KCNH7: variants seen among roughly 807,000 people sequenced by gnomAD.
KCNH7 encodes potassium voltage-gated channel subfamily H member 7.
In KCNH7, 49 loss-of-function variants were observed where a neutral mutation model predicts 120.8. That is an observed-to-expected ratio of 0.41 (90% confidence interval 0.32 to 0.51). KCNH7 has a LOEUF of 0.51. KCNH7 is among the 20% of genes least tolerant of loss of function. The pLI is 0.38. For missense variants in KCNH7, 1,097 were observed against 1,446.6 expected (o/e 0.76, Z 3.92); for synonymous variants, 547 against 516.1 (o/e 1.06, Z -0.81).
intron 9 of KCNH7, among the ~76,000 whole-genome samples, chr2:162,404,216 T>A (rs1025124711): frequency 2.6e-5 from 4 of 151,980 alleles, no homozygotes; most frequent in Non-Finnish European, 4.4e-5. Flanking sequence ...CTTTCTTGAC[T>A]GTCCATGCTT....
At chr2:162,619,128 T>C (rs1250735867) in intron 2 of KCNH7, among the ~76,000 whole-genome samples, 3 of 152,054 alleles carry the variant, frequency 2.0e-5, no homozygotes, top group African/African-American at 7.2e-5. Context: ...TTTCATCAAT[T>C]GTGTGTCAGA....
At chr2:162,461,763 G>A (rs1689152822) in intron 6 of KCNH7, among the ~76,000 whole-genome samples, 1 of 152,108 alleles carries the variant, frequency 6.6e-6, no homozygotes, top group Admixed American at 6.6e-5. Flanking sequence ...CAAACACTTT[G>A]AAAGGACCCC....
chr2:162,575,699 G>C (rs1396287751), intron 2 of KCNH7, among the ~76,000 whole-genome samples: 2 of 152,038 alleles, frequency 1.3e-5, no homozygotes, highest in Non-Finnish European at 2.9e-5. Context: ...ACTATTATCT[G>C]CTCAGTTCTT....
intron 2 of KCNH7, among the ~76,000 whole-genome samples, chr2:162,706,154 T>A (rs1686693992): frequency 6.6e-6 from 1 of 152,098 alleles, no homozygotes; most frequent in Non-Finnish European, 1.5e-5. Context: ...ACCGTGGTGC[T>A]TCGTTGCAGT....
At chr2:162,452,299 T>C (rs1215464562) in intron 6 of KCNH7, among the ~76,000 whole-genome samples, 1 of 152,092 alleles carries the variant, frequency 6.6e-6, no homozygotes, top group African/African-American at 2.4e-5. Flanking sequence ...TCTAGAATCT[T>C]ATTCAGAAAT....
chr2:162,520,771 A>T (rs1045828794), intron 3 of KCNH7, among the ~76,000 whole-genome samples: 3 of 151,826 alleles, frequency 2.0e-5, no homozygotes, highest in African/African-American at 7.2e-5. Context: ...CCTATCTCTA[A>T]AGAAAGAAAA....
chr2:162,701,446 T>A (rs960393045), intron 2 of KCNH7, among the ~76,000 whole-genome samples: 1 of 152,166 alleles, frequency 6.6e-6, no homozygotes, highest in African/African-American at 2.4e-5. Flanking sequence ...TTATCTCAGT[T>A]CAAATCCATT....
chr2:162,827,484 G>GCATATACTAGCTATCCTCA (rs1231805379), intron 2 of KCNH7, among the ~76,000 whole-genome samples: 2 of 151,720 alleles, frequency 1.3e-5, no homozygotes, highest in African/African-American at 4.8e-5. Context: ...CAGATTATAA[G>GCATATACTAGCTATCCTCA]CATATACTAG....
rs150864038 is a variant in KCNH7 at position 162,716,537 on chromosome 2, C to T, written c.307+120000G>A. Among the ~76,000 whole-genome samples, 354 of 152,140 alleles carry T rather than the reference C, an allele frequency of 2.3e-3. 1 individual carries two copies. Among genetic ancestry groups the T allele is most frequent in the African/African-American group, 7.9e-3 (326 of 41,522 alleles). On this transcript the variant is annotated intron_variant, in intron 2 of 15. Coordinates refer to ENST00000332142, the MANE Select transcript of KCNH7 (RefSeq NM_033272.4). ...GATTGCTGAGTGCTTTACATTAGCA[C>T]GATCTTGTAATAAAACTTTATCCAG... is the stretch of plus-strand genomic sequence containing the variant.
chr2:162,458,129 G>T, intron 6 of KCNH7, among the ~76,000 whole-genome samples: 1 of 151,888 alleles, frequency 6.6e-6, no homozygotes, highest in Non-Finnish European at 1.5e-5. Flanking sequence ...GTGTGTGTGT[G>T]TGTGTTGGGT....
intron 2 of KCNH7, among the ~76,000 whole-genome samples, chr2:162,567,474 G>A (rs1385955816): frequency 6.6e-6 from 1 of 151,880 alleles, no homozygotes; most frequent in South Asian, 2.1e-4. Flanking sequence ...TGCTTCATGG[G>A]TGGCAAGTCA....
chr2:162,433,829 A>T (rs1206580857), intron 8 of KCNH7, among the ~76,000 whole-genome samples: 1 of 152,048 alleles, frequency 6.6e-6, no homozygotes, highest in African/African-American at 2.4e-5. Flanking sequence ...AAGGTTTCTC[A>T]AACAACTTAA....
At chr2:162,737,927 T>C (rs563416658) in intron 2 of KCNH7, among the ~76,000 whole-genome samples, 42 of 152,114 alleles carry the variant, frequency 2.8e-4, no homozygotes, top group African/African-American at 9.6e-4. Context: ...TAGCCACGTA[T>C]GGTGGCGCAT....
intron 10 of KCNH7, among the ~76,000 whole-genome samples, chr2:162,398,578 T>C (rs1686983512): frequency 6.6e-6 from 1 of 151,890 alleles, no homozygotes; most frequent in South Asian, 2.1e-4. Context: ...AAAAAAGACC[T>C]GAATTAAATT....
At chr2:162,373,689 G>A in intron 14 of KCNH7, 27 bp from the exon 15 acceptor site, 1 of 1,421,858 alleles carries the variant, frequency 7.0e-7, no homozygotes, top group Non-Finnish European at 9.3e-7. Flanking sequence ...AGTAGGAAAA[G>A]ACAGTCTAAA....
At chr2:162,653,497 A>T (rs1684638237) in intron 2 of KCNH7, among the ~76,000 whole-genome samples, 1 of 152,222 alleles carries the variant, frequency 6.6e-6, no homozygotes. Flanking sequence ...CAATAAATAC[A>T]TTTAACCAAG....
chr2:162,441,209 A>G (rs1688405166), intron 7 of KCNH7, among the ~76,000 whole-genome samples: 1 of 152,302 alleles, frequency 6.6e-6, no homozygotes, highest in Admixed American at 6.5e-5. Context: ...TGTGTCTGCA[A>G]AATATGATTT....
chr2:162,469,779 G>A lies in KCNH7; in HGVS notation c.1129-23336C>T, dbSNP rs557263088. ...CGAGCTGAAGCTGGACTGTGCTGCC[G>A]CCATCTCGGCTCACTGCAAACTCCC... On this transcript the variant is annotated intron_variant, in intron 6 of 15. Coordinates refer to ENST00000332142, the MANE Select transcript of KCNH7 (RefSeq NM_033272.4). 2.0e-3 allele frequency among the ~76,000 whole-genome samples: 298 copies of A among 151,084 alleles called. 1 individual carries two copies. The highest frequency in any genetic ancestry group is 6.7e-3 in the African/African-American group (277 of 41,050).
intron 2 of KCNH7, among the ~76,000 whole-genome samples, chr2:162,765,946 G>T (rs1682786459): frequency 6.6e-6 from 1 of 152,060 alleles, no homozygotes; most frequent in Middle Eastern, 3.4e-3. Context: ...TTTTAGACAT[G>T]GGGTCTCACT....
Sources: gnomAD v4.1 joint callset for allele counts (sites outside exome capture counted in the v4.1 genomes callset) on GRCh38, gnomAD v4.1.1 for gene constraint, MANE v1.5 for transcripts, NCBI Gene and HGNC (gene_info 2026-07-23, HGNC 2026-07-21) for gene names.